Variants in DGKB observed in about 807,000 individuals in gnomAD.
DGKB encodes 90 kDa diacylglycerol kinase.
A neutral mutation model predicts 114.3 loss-of-function variants in DGKB; 67 were observed. The ratio of observed to expected loss-of-function variants is 0.59; its 90% CI spans 0.48 to 0.72. The LOEUF is 0.72. DGKB is among the 30% of genes least tolerant of loss of function. The pLI is 0.00. For synonymous variants in DGKB, 398 were observed against 323.1 expected (o/e 1.23, Z -2.49); for missense variants, 907 against 975.2 (o/e 0.93, Z 0.93).
intron 20 of DGKB, among the ~76,000 whole-genome samples, chr7:14,506,626 C>G (rs189188171): frequency 1.2e-4 from 19 of 152,228 alleles, no homozygotes; most frequent in Admixed American, 2.6e-4. Context: ...TTCAGCAAGG[C>G]ACTGGAAAAT....
chr7:14,523,534 G>A (rs1790127683), intron 20 of DGKB, among the ~76,000 whole-genome samples: 1 of 152,026 alleles, frequency 6.6e-6, no homozygotes, highest in African/African-American at 2.4e-5. Flanking sequence ...CAGGATATTT[G>A]TGCTAAAATT....
At chr7:14,915,137 T>A (rs1167105088) in intron 1 of DGKB, among the ~76,000 whole-genome samples, 1 of 152,026 alleles carries the variant, frequency 6.6e-6, no homozygotes, top group East Asian at 1.9e-4. Flanking sequence ...GAGGCTATGT[T>A]GAGAGAATTG....
At chr7:14,898,222 T>C (rs1562846163) in intron 1 of DGKB, among the ~76,000 whole-genome samples, 1 of 151,980 alleles carries the variant, frequency 6.6e-6, no homozygotes, top group Non-Finnish European at 1.5e-5. Flanking sequence ...AGTTTGGGTG[T>C]CCAAAAGTAA....
intron 14 of DGKB, among the ~76,000 whole-genome samples, chr7:14,627,956 A>AAC (rs1808937923): frequency 1.3e-5 from 2 of 151,782 alleles, no homozygotes; most frequent in African/African-American, 4.8e-5. Flanking sequence ...AAAACAAAAA[A>AAC]AAAAAACAAC....
intron 21 of DGKB, among the ~76,000 whole-genome samples, chr7:14,402,891 C>G (rs1193190198): frequency 6.6e-6 from 1 of 151,932 alleles, no homozygotes; most frequent in African/African-American, 2.4e-5. Flanking sequence ...CCTGAAAATT[C>G]TGTCTGAGTT....
intron 8 of DGKB, among the ~76,000 whole-genome samples, chr7:14,697,781 A>AGAAAGAGAAG (rs1428560794): frequency 6.8e-6 from 1 of 146,830 alleles, no homozygotes; most frequent in Non-Finnish European, 1.5e-5. Flanking sequence ...ACAAAGAGAA[A>AGAAAGAGAAG]GAAAGAAAGG....
At chr7:14,887,831 T>G (rs1780557251) in intron 1 of DGKB, among the ~76,000 whole-genome samples, 1 of 151,724 alleles carries the variant, frequency 6.6e-6, no homozygotes, top group African/African-American at 2.4e-5. Flanking sequence ...AAAACTGCAT[T>G]TCCGATGTCT....
At chr7:14,722,124 A>G (rs555470121) in intron 5 of DGKB, among the ~76,000 whole-genome samples, 51 of 152,260 alleles carry the variant, frequency 3.3e-4, no homozygotes, top group African/African-American at 1.2e-3. Context: ...TTACTATCCA[A>G]TCTCTATAAT....
At chr7:14,458,038 T>G (rs2128861169) in intron 21 of DGKB, among the ~76,000 whole-genome samples, 1 of 152,334 alleles carries the variant, frequency 6.6e-6, no homozygotes, top group South Asian at 2.1e-4. Context: ...GGTTAGATTC[T>G]TCAACGTCTT....
upstream of DGKB, among the ~76,000 whole-genome samples, chr7:14,907,546 T>C (rs536907177): frequency 6.6e-6 from 1 of 152,354 alleles, no homozygotes; most frequent in Admixed American, 6.5e-5. Context: ...CTTACATGTA[T>C]ACGTGCATGA....
intron 2 of DGKB, among the ~76,000 whole-genome samples, chr7:14,839,993 C>T (rs1034394740): frequency 3.3e-5 from 5 of 152,090 alleles, no homozygotes; most frequent in Non-Finnish European, 5.9e-5. Flanking sequence ...ATTAGTGTTC[C>T]TGGCTCATAA....
upstream of DGKB, among the ~76,000 whole-genome samples, chr7:14,907,083 A>T (rs577558485): frequency 2.6e-5 from 4 of 152,188 alleles, no homozygotes; most frequent in African/African-American, 7.2e-5. Flanking sequence ...GAGCTTTTCC[A>T]CTGGTTTTAA....
intron 2 of DGKB, among the ~76,000 whole-genome samples, chr7:14,780,507 T>C (rs929276909): frequency 6.6e-6 from 1 of 152,240 alleles, no homozygotes; most frequent in Non-Finnish European, 1.5e-5. Context: ...AGGTTAATTC[T>C]ATGCCACTTG....
At chr7:14,262,517 C>T (rs1470968359) in intron 23 of DGKB, among the ~76,000 whole-genome samples, 2 of 152,150 alleles carry the variant, frequency 1.3e-5, no homozygotes, top group Non-Finnish European at 2.9e-5. Flanking sequence ...GACTTTCCAG[C>T]CTCCAGAACT....
intron 1 of DGKB, among the ~76,000 whole-genome samples, chr7:14,898,320 T>C (rs765464697): frequency 6.6e-6 from 1 of 152,010 alleles, no homozygotes; most frequent in African/African-American, 2.4e-5. Flanking sequence ...TTGTGGTTAA[T>C]AGTGGATTTA....
At chr7:14,705,570 G>A (rs1347260341) in intron 6 of DGKB, among the ~76,000 whole-genome samples, 1 of 149,952 alleles carries the variant, frequency 6.7e-6, no homozygotes, top group Non-Finnish European at 1.5e-5. Context: ...AGAGAGAAAG[G>A]TCGGGTTCCC....
At chr7:14,953,998 C>T (rs571422241) in intron 1 of DGKB, among the ~76,000 whole-genome samples, 5 of 152,130 alleles carry the variant, frequency 3.3e-5, no homozygotes, top group African/African-American at 1.2e-4. Context: ...GGGACTGGGG[C>T]CCAGCAATTT....
intron 1 of DGKB, among the ~76,000 whole-genome samples, chr7:14,935,455 A>T (rs1032321692): frequency 6.6e-6 from 1 of 152,182 alleles, no homozygotes; most frequent in Non-Finnish European, 1.5e-5. Flanking sequence ...AAATAAATGA[A>T]ACTATCACAT....
intron 20 of DGKB, among the ~76,000 whole-genome samples, chr7:14,481,920 C>T (rs1418117398): frequency 6.6e-6 from 1 of 151,896 alleles, no homozygotes; most frequent in Non-Finnish European, 1.5e-5. Flanking sequence ...GTGTATACTT[C>T]AAAAAGTTTT....
Sources: gnomAD v4.1 joint callset for allele counts (sites outside exome capture counted in the v4.1 genomes callset) on GRCh38, gnomAD v4.1.1 for gene constraint, MANE v1.5 for transcripts, NCBI Gene and HGNC (gene_info 2026-07-23, HGNC 2026-07-21) for gene names.